The following HMCN1 variants were observed in gnomAD, a reference collection of about 807,000 sequenced individuals.
HMCN1 encodes hemicentin 1.
HMCN1 carries 321 observed loss-of-function variants against 625.9 expected under a neutral mutation model. That is an observed-to-expected ratio of 0.51 (90% CI 0.47 to 0.56). The LOEUF (loss-of-function observed/expected upper bound fraction) is 0.56. HMCN1 is among the 20% of genes least tolerant of loss of function. HMCN1 has a pLI of 0.00. For synonymous variants in HMCN1, 2,425 were observed against 2,417.6 expected (o/e 1.00, Z -0.09); for missense variants, 6,588 against 6,887.3 (o/e 0.96, Z 1.54).
At chr1:185,889,444 G>T (rs1477783254) in intron 4 of HMCN1, among the ~76,000 whole-genome samples, 1 of 146,508 alleles carries the variant, frequency 6.8e-6, no homozygotes, top group East Asian at 1.9e-4. Context: ...CTGGCTGTGG[G>T]TTTGTCATAG....
chr1:185,749,977 A>G (rs1654684623), intron 1 of HMCN1, among the ~76,000 whole-genome samples: 3 of 151,970 alleles, frequency 2.0e-5, no homozygotes, highest in Admixed American at 2.0e-4. Flanking sequence ...GCTAAAAGTC[A>G]CCTCCTCCGA....
At chr1:185,919,709 G>T (rs1296317343) in intron 6 of HMCN1, among the ~76,000 whole-genome samples, 1 of 152,180 alleles carries the variant, frequency 6.6e-6, no homozygotes, top group African/African-American at 2.4e-5. Flanking sequence ...TAGCTGTAGA[G>T]TTTGGTTTCT....
In HMCN1 at chr1:185,890,240, C is replaced by G. The variant is rs535819714; in HGVS notation, c.622-19097C>G. Among the ~76,000 whole-genome samples the G allele has an allele frequency of 9.7e-3, 1,399 of 144,378 alleles. 218 individuals are homozygous for G. Among genetic ancestry groups the G allele is most frequent in the African/African-American group, 0.037 (1,268 of 34,206 alleles). The allele number at this position is 144,378 out of a possible 152,430, so 94.7% of individuals were successfully genotyped here. On this transcript the variant is annotated intron_variant, in intron 4 of 106. Transcript: ENST00000271588. Reference sequence around the variant, plus strand: ...GTCTTGCTAGCGGTCTATCAATTTTCTTGATCCTTTCAAAAAACCAGCTCC... The same window carrying G: ...GTCTTGCTAGCGGTCTATCAATTTTGTTGATCCTTTCAAAAAACCAGCTCC...
intron 19 of HMCN1, among the ~76,000 whole-genome samples, chr1:185,987,180 G>T (rs1385412402): frequency 1.3e-5 from 2 of 151,058 alleles, no homozygotes; most frequent in African/African-American, 2.4e-5. Context: ...TTTTTGTTAG[G>T]AAAGTCAGCT....
intron 4 of HMCN1, among the ~76,000 whole-genome samples, chr1:185,876,672 A>G (rs184605330): frequency 6.6e-6 from 1 of 152,080 alleles, no homozygotes; most frequent in East Asian, 1.9e-4. Context: ...GTGATGATGA[A>G]CATTTTTTTC....
rs1245942461 is a variant in HMCN1, at chr1:185,803,188, C to CAA, written c.269-42824_269-42823dup. ...ATGCCTCTACTAAAATTAGCAGAAC[C>CAA]AAAAAAAAAAAAAAAGCAAAAAAAA... On this transcript the variant is annotated intron_variant, in intron 1 of 106. Coordinates refer to ENST00000271588, the MANE Select transcript of HMCN1 (RefSeq NM_031935.3). Among the ~76,000 whole-genome samples the CAA allele has an allele frequency of 1.8e-3, 60 of 33,818 alleles. 1 individual carries two copies. In the East Asian group the frequency reaches 0.028, roughly 16 times the overall value. 22.2% of individuals were successfully genotyped at this position (33,818 alleles called of 152,430 possible). A position where few individuals can be genotyped will look rare whatever the true frequency, so the allele number is the denominator to read the frequency against.
chr1:186,110,977 C>CTCTTTTTTTTTTTTTTTTT (rs1660847660), intron 71 of HMCN1, among the ~76,000 whole-genome samples: 1 of 61,648 alleles, frequency 1.6e-5, no homozygotes, highest in Non-Finnish European at 2.7e-5. Context: ...AGAGAAAATT[C>CTCTTTTTTTTTTTTTTTTT]TTTTTTTTTT....
rs555285185 is a variant in HMCN1, at chr1:186,088,323, G to A, written c.9577+47G>A. On this transcript the variant is annotated intron_variant, in intron 62 of 106. Transcript: ENST00000271588. ...GTGTGTGTGTGTGTTTTTTTCTCTT[G>A]CTCTTAATTCACTAGACTTTTAAAC... 4.3e-6 allele frequency: 7 copies of A among 1,610,228 alleles called. No homozygotes were observed. The East Asian group carries it at 1.6e-4, about 36-fold the overall frequency.
intron 38 of HMCN1, 149 bp downstream of exon 38, chr1:186,039,154 G>T: frequency 1.4e-6 from 1 of 700,164 alleles, no homozygotes. Flanking sequence ...TTATAAATGT[G>T]CTTATTCCTG....
intron 14 of HMCN1, among the ~76,000 whole-genome samples, chr1:185,968,655 A>G (rs1007677819): frequency 3.3e-5 from 5 of 152,004 alleles, no homozygotes; most frequent in African/African-American, 1.2e-4. Context: ...GTTAGTCTTT[A>G]TATCCACAGA....
intron 1 of HMCN1, among the ~76,000 whole-genome samples, chr1:185,779,684 C>G (rs1214049171): frequency 6.6e-6 from 1 of 152,150 alleles, no homozygotes; most frequent in Non-Finnish European, 1.5e-5. Flanking sequence ...ACTGAGAGCT[C>G]TGTTCTGTTC....
At chr1:185,808,510 C>T (rs953343526) in intron 1 of HMCN1, among the ~76,000 whole-genome samples, 1 of 151,978 alleles carries the variant, frequency 6.6e-6, no homozygotes, top group South Asian at 2.1e-4. Flanking sequence ...CAGAGCAAGA[C>T]CTTGATCCAA....
rs1256053614 is a variant in HMCN1 at position 185,888,291 on chromosome 1, G to A, written c.622-21046G>A. On this transcript the variant is annotated intron_variant, in intron 4 of 106. Coordinates refer to ENST00000271588, the MANE Select transcript of HMCN1 (RefSeq NM_031935.3). ...CACTCTGATGGTAGTTTCTTTTGCT[G>A]TGCAGAAGCTCTTTAGTTTAATTAG... 5.0e-3 allele frequency among the ~76,000 whole-genome samples: 658 copies of A among 132,536 alleles called. 6 individuals carry two copies. The highest frequency in any genetic ancestry group is 0.022 in the African/African-American group (612 of 27,526). 86.9% of individuals were successfully genotyped at this position (132,536 alleles called of 152,430 possible).
Position 185,794,127 on chromosome 1 carries a change from A to G in HMCN1, c.269-51899A>G, listed in dbSNP as rs191282765. 2.6e-5 allele frequency among the ~76,000 whole-genome samples: 4 copies of G among 152,230 alleles called. No homozygotes were observed. In the East Asian group the frequency reaches 7.7e-4, roughly 29 times the overall value. ...TTCAGTTGTCCAGTGTTTTATCTCT[A>G]TTTGATAGATTCTTTTGCCATTTTG... On this transcript the variant is annotated intron_variant, in intron 1 of 106. Transcript: ENST00000271588.
At chr1:185,842,516 A>G (rs1297567163) in intron 1 of HMCN1, among the ~76,000 whole-genome samples, 1 of 151,986 alleles carries the variant, frequency 6.6e-6, no homozygotes, top group Non-Finnish European at 1.5e-5. Context: ...GTGAGCTGTG[A>G]TCATGCCATT....
At chr1:186,054,843 T>A (rs1473486946) in intron 44 of HMCN1, among the ~76,000 whole-genome samples, 5 of 151,978 alleles carry the variant, frequency 3.3e-5, no homozygotes, top group Admixed American at 1.3e-4. Flanking sequence ...AAAGGGCTGG[T>A]ATCTTTCCCT....
At chr1:185,995,153 A>C in intron 24 of HMCN1, 66 bp downstream of exon 24, 2 of 1,411,640 alleles carry the variant, frequency 1.4e-6, no homozygotes, top group Non-Finnish European at 1.0e-6. Flanking sequence ...CCTAGAGCTA[A>C]ATAGATTATC....
intron 55 of HMCN1, among the ~76,000 whole-genome samples, chr1:186,080,803 G>A (rs1659124826): frequency 6.6e-6 from 1 of 152,156 alleles, no homozygotes; most frequent in South Asian, 2.1e-4. Flanking sequence ...TTTAAAAGGT[G>A]TAATTTTTCT....
intron 1 of HMCN1, among the ~76,000 whole-genome samples, chr1:185,790,709 C>G (rs1235614698): frequency 6.6e-6 from 1 of 152,192 alleles, no homozygotes; most frequent in Admixed American, 6.5e-5. Context: ...CCTCCAGGCA[C>G]TAATTGCTGA....
Sources: gnomAD v4.1 joint callset for allele counts (sites outside exome capture counted in the v4.1 genomes callset) on GRCh38, gnomAD v4.1.1 for gene constraint, MANE v1.5 for transcripts, NCBI Gene and HGNC (gene_info 2026-07-23, HGNC 2026-07-21) for gene names.